Variants in PREX1 observed in about 807,000 individuals in gnomAD.
PREX1 encodes phosphatidylinositol-3,4,5-trisphosphate dependent Rac exchange factor 1.
PREX1 carries 41 observed loss-of-function variants against 198.3 expected under a neutral mutation model. The observed-to-expected ratio is 0.21, with a 90% confidence interval of 0.16 to 0.27. PREX1 has a LOEUF of 0.27. PREX1 is among the 10% of genes least tolerant of loss of function. The probability of loss-of-function intolerance (pLI) is 1.00; values close to 1 mark genes in which losing one functional copy is unlikely to be tolerated. For synonymous variants in PREX1, 843 were observed against 887.2 expected (o/e 0.95, Z 0.89); for missense variants, 1,620 against 2,200.7 (o/e 0.74, Z 5.28).
At chr20:48,642,099 C>T (rs1457758343) in intron 29 of PREX1, 69 bp downstream of exon 29, 35 of 1,507,662 alleles carry the variant, frequency 2.3e-5, no homozygotes, top group Middle Eastern at 1.7e-4. Context: ...AGCATTAGCC[C>T]GGGTACGCCG....
chr20:48,681,675 C>CATAG lies in PREX1; in HGVS notation c.1335-344_1335-341dup, dbSNP rs1199816211. On this transcript the variant is annotated intron_variant, in intron 10 of 39. Coordinates refer to ENST00000371941, the MANE Select transcript of PREX1 (RefSeq NM_020820.4). ...AGGCAGGTTGGTGGATGAGTGACTA[C>CATAG]ATAGATGGATGGATGGATGGATGGA... is the stretch of plus-strand genomic sequence containing the variant. 1.0e-3 allele frequency among the ~76,000 whole-genome samples: 98 copies of CATAG among 97,628 alleles called. 1 individual carries two copies. The highest frequency in any genetic ancestry group is 6.3e-3 in the Middle Eastern group (1 of 160). The allele number at this position is 97,628 out of a possible 152,430, so 64.0% of individuals were successfully genotyped here.
chr20:48,680,074 C>T (rs2089739348), intron 11 of PREX1, among the ~76,000 whole-genome samples: 2 of 152,196 alleles, frequency 1.3e-5, no homozygotes, highest in African/African-American at 4.8e-5. Flanking sequence ...TGCACTGGGA[C>T]CCCTCTGGCT....
chr20:48,625,117 G>A lies in PREX1; in HGVS notation c.*768C>T, dbSNP rs1012686308. The A allele has an allele frequency of 2.6e-5, 4 of 152,296 alleles. No homozygotes were observed. Among genetic ancestry groups the A allele is most frequent in the African/African-American group, 9.7e-5 (4 of 41,312 alleles). 9.4% of individuals were successfully genotyped at this position (152,296 alleles called of 1,614,324 possible). Reference sequence around the variant, plus strand: ...CAATACTACCTTCTGTTGGTCCCCTGTTAGACAACATACCTTTCTTTGAAA... The same window carrying A: ...CAATACTACCTTCTGTTGGTCCCCTATTAGACAACATACCTTTCTTTGAAA... On this transcript the variant is annotated 3_prime_UTR_variant, in exon 40 of 40. Coordinates refer to ENST00000371941, the MANE Select transcript of PREX1 (RefSeq NM_020820.4).
chr20:48,789,298 C>T (rs190445828), intron 1 of PREX1, among the ~76,000 whole-genome samples: 1 of 152,298 alleles, frequency 6.6e-6, no homozygotes, highest in East Asian at 1.9e-4. Flanking sequence ...ACCTTCATCA[C>T]GGGACAACCT....
chr20:48,749,521 G>T (rs368602440), intron 1 of PREX1, among the ~76,000 whole-genome samples: 11 of 152,318 alleles, frequency 7.2e-5, no homozygotes, highest in African/African-American at 2.6e-4. Context: ...AGGGGAAGCG[G>T]AGCAGGTAAG....
intron 1 of PREX1, among the ~76,000 whole-genome samples, chr20:48,750,757 G>A (rs986204435): frequency 4.6e-5 from 7 of 152,174 alleles, no homozygotes; most frequent in African/African-American, 1.7e-4. Flanking sequence ...CTGAGGTTAA[G>A]CAATCTATAC....
chr20:48,794,492 T>C (rs1022138674), intron 1 of PREX1, among the ~76,000 whole-genome samples: 8 of 152,064 alleles, frequency 5.3e-5, no homozygotes, highest in Admixed American at 4.6e-4. Flanking sequence ...AGCCTTTGCT[T>C]GGGGTCCTTC....
chr20:48,863,213 T>G, the PREX1 span, among the ~76,000 whole-genome samples: 1 of 152,194 alleles, frequency 6.6e-6, no homozygotes, highest in East Asian at 1.9e-4. Flanking sequence ...CCTCTCTCCC[T>G]CCCCTACTTT....
rs113241242 is a variant in PREX1 at position 48,632,348 on chromosome 20, G to A, written c.4455C>T (p.Ala1485=). Residue 1485 remains alanine (A), a synonymous_variant, in exon 35 of 40, where the codon GCC becomes GCT. Coordinates refer to ENST00000371941, the MANE Select transcript of PREX1 (RefSeq NM_020820.4). ...TGATGTCCTGCTGCAAATCCTCCGC[G>A]GCCTGGCTGCCTGGAGAAGGCAGCC... ...VEGLPSPGSQ[A]AEDLQQDINA... is the part of the protein sequence containing the mutation. 3.2e-4 allele frequency: 517 copies of A among 1,614,038 alleles called. No individual in the cohort carries two copies. The African/African-American group carries it at 5.7e-3, about 18-fold the overall frequency.
At chr20:48,669,469 G>A (rs2089661031) in intron 14 of PREX1, among the ~76,000 whole-genome samples, 1 of 152,140 alleles carries the variant, frequency 6.6e-6, no homozygotes. Context: ...GCTCCATGCG[G>A]GCAGGGACAC....
chr20:48,747,463 G>A (rs549987090), intron 2 of PREX1, among the ~76,000 whole-genome samples: 2 of 152,340 alleles, frequency 1.3e-5, no homozygotes, highest in East Asian at 3.9e-4. Context: ...CCGGCTCCCG[G>A]GGGCACTTGG....
rs373755349 is a variant in PREX1 at position 48,691,139 on chromosome 20, C to T, written c.1037-43G>A. 4.5e-5 allele frequency: 73 copies of T among 1,613,182 alleles called. No homozygotes were observed. In the African/African-American group the frequency reaches 4.8e-4, roughly 11 times the overall value. ...CAAAGGTGCAGCAGAGACTCAGCCG[C>T]GTGACCTTCAACACTCCCCATTGCC... On this transcript the variant is annotated intron_variant, in intron 8 of 39. Coordinates refer to ENST00000371941, the MANE Select transcript of PREX1 (RefSeq NM_020820.4). This position sits in a 1 kb window ranked among gnomAD's most constrained non-coding sequence, Gnocchi z 5.0.
chr20:48,718,313 G>A (rs2089971200), intron 5 of PREX1, among the ~76,000 whole-genome samples: 1 of 152,238 alleles, frequency 6.6e-6, no homozygotes, highest in Admixed American at 6.5e-5. Context: ...AATGGTGAGA[G>A]ATGGTGGTGA....
At chr20:48,626,915 T>C (rs768712796) in intron 39 of PREX1, among the ~76,000 whole-genome samples, 3 of 152,144 alleles carry the variant, frequency 2.0e-5, no homozygotes, top group Non-Finnish European at 4.4e-5. Flanking sequence ...AACAACGTCA[T>C]GATCCTAAAG....
intron 1 of PREX1, among the ~76,000 whole-genome samples, chr20:48,761,243 C>A (rs1019485861): frequency 1.3e-5 from 2 of 152,218 alleles, no homozygotes; most frequent in South Asian, 4.1e-4. Context: ...AAACGTCTAT[C>A]CCTGCTCTGT....
intron 16 of PREX1, among the ~76,000 whole-genome samples, chr20:48,658,686 T>G (rs1332783129): frequency 6.6e-6 from 1 of 152,158 alleles, no homozygotes; most frequent in Admixed American, 6.5e-5. Context: ...CCCTGCTTAG[T>G]GCGGGAGGCC....
chr20:48,773,404 C>A (rs2090246300), intron 1 of PREX1, among the ~76,000 whole-genome samples: 1 of 152,198 alleles, frequency 6.6e-6, no homozygotes, highest in African/African-American at 2.4e-5. Context: ...CACACTAGCC[C>A]CTTTCCTGAT....
the PREX1 span, among the ~76,000 whole-genome samples, chr20:48,845,199 A>T: frequency 7.2e-4 from 109 of 152,340 alleles, 1 homozygote; most frequent in South Asian, 6.2e-4. Context: ...ACAAAGTTCC[A>T]TCCCTCGTGA....
chr20:48,653,573 C>A, intron 19 of PREX1, 76 bp from the exon 20 acceptor site: 1 of 1,543,066 alleles, frequency 6.5e-7, no homozygotes, highest in Non-Finnish European at 8.8e-7. Flanking sequence ...CCCCCACCAC[C>A]CACCACTGCA....
Sources: allele counts gnomAD v4.1 joint callset (sites outside exome capture counted in the v4.1 genomes callset), GRCh38; gene constraint gnomAD v4.1.1; non-coding constraint Gnocchi (gnomAD v3.1); transcripts MANE v1.5; gene names NCBI Gene and HGNC (gene_info 2026-07-23, HGNC 2026-07-21).